ANKS1B: variants seen among roughly 807,000 people sequenced by gnomAD.
ANKS1B encodes the protein ankyrin repeat and sterile alpha motif domain-containing protein 1B.
In ANKS1B, 36 loss-of-function variants were observed where a neutral mutation model predicts 148.3. The observed-to-expected ratio is 0.24, with a 90% CI of 0.19 to 0.32. The LOEUF (loss-of-function observed/expected upper bound fraction) is 0.32. ANKS1B is among the 10% of genes least tolerant of loss of function. The probability of loss-of-function intolerance (pLI) is 1.00; values close to 1 mark genes in which losing one functional copy is unlikely to be tolerated. For synonymous variants in ANKS1B, 542 were observed against 560.8 expected, an observed-to-expected ratio of 0.97 and a Z score of 0.47; for missense variants, 1,157 against 1,542.6, an observed-to-expected ratio of 0.75 and a Z score of 4.19.
Position 98,888,761 on chromosome 12 carries a change from A to C in ANKS1B, c.2779-56625T>G, listed in dbSNP as rs2099745892. 2.6e-5 allele frequency among the ~76,000 whole-genome samples: 4 copies of C among 151,890 alleles called. No individual in the cohort carries two copies. The South Asian group carries it at 8.3e-4, about 32-fold the overall frequency. On this transcript the variant is annotated intron_variant, in intron 17 of 26. Coordinates refer to ENST00000683438, the MANE Select transcript of ANKS1B (RefSeq NM_001352186.2). The stretch of plus-strand genomic sequence containing the variant: ...TCTCAGGGATACCCCCAAATTTTCT[A>C]ATTTCTCCCTCCATCTCCCTCTCCA...
intron 24 of ANKS1B, among the ~76,000 whole-genome samples, chr12:98,779,746 C>T (rs1196287051): frequency 1.3e-5 from 2 of 152,168 alleles, no homozygotes; most frequent in South Asian, 2.1e-4. Context: ...ATTTTATATA[C>T]CAGGAACTAA....
At chr12:99,846,819 G>A (rs2086742018) in intron 1 of ANKS1B, among the ~76,000 whole-genome samples, 1 of 152,108 alleles carries the variant, frequency 6.6e-6, no homozygotes, top group Non-Finnish European at 1.5e-5. Flanking sequence ...GAAATCTTTT[G>A]AGAGATATGA....
intron 20 of ANKS1B, among the ~76,000 whole-genome samples, chr12:98,805,742 C>CCTACAG (rs2099046269): frequency 6.6e-6 from 1 of 152,170 alleles, no homozygotes; most frequent in African/African-American, 2.4e-5. Context: ...GCACTGGACA[C>CCTACAG]CTACAGCAAA....
chr12:99,331,279 T>C (rs114521570), intron 12 of ANKS1B, among the ~76,000 whole-genome samples: 78 of 152,012 alleles, frequency 5.1e-4, no homozygotes, highest in African/African-American at 1.7e-3. Flanking sequence ...AGTACTCTAA[T>C]ATGGGGCTAG....
At chr12:98,985,287 A>G (rs560789996) in intron 17 of ANKS1B, among the ~76,000 whole-genome samples, 1 of 151,092 alleles carries the variant, frequency 6.6e-6, no homozygotes, top group East Asian at 1.9e-4. Context: ...TAATTAAAAA[A>G]TTTTTTTTTG....
intron 9 of ANKS1B, among the ~76,000 whole-genome samples, chr12:99,532,556 T>TTCATCGTGTTAGCCAGGATGGTC (rs1381751468): frequency 5.9e-5 from 9 of 152,252 alleles, no homozygotes; most frequent in African/African-American, 2.2e-4. Flanking sequence ...CAGACGGGGT[T>TTCATCGTGTTAGCCAGGATGGTC]TCATCGTGTT....
chr12:99,235,759 T>C (rs540728497), intron 14 of ANKS1B, among the ~76,000 whole-genome samples: 1 of 152,306 alleles, frequency 6.6e-6, no homozygotes, highest in Non-Finnish European at 1.5e-5. Flanking sequence ...AGAAAAAAAG[T>C]ATTGCTTGAC....
chr12:99,707,276 T>A (rs2153530357), intron 8 of ANKS1B, among the ~76,000 whole-genome samples: 1 of 152,122 alleles, frequency 6.6e-6, no homozygotes, highest in East Asian at 1.9e-4. Flanking sequence ...ACACCTAAGG[T>A]TCAGCACGGC....
intron 12 of ANKS1B, among the ~76,000 whole-genome samples, chr12:99,287,907 T>A (rs2079355853): frequency 6.6e-6 from 1 of 152,080 alleles, no homozygotes; most frequent in Non-Finnish European, 1.5e-5. Flanking sequence ...AGAATGCCCA[T>A]AAGATGTAGA....
At chr12:99,176,632 G>C (rs543956329) in intron 14 of ANKS1B, among the ~76,000 whole-genome samples, 32 of 152,140 alleles carry the variant, frequency 2.1e-4, no homozygotes, top group Non-Finnish European at 3.8e-4. Flanking sequence ...GAGGTGTTTG[G>C]ATCATGGGGG....
At chr12:99,159,287 T>C (rs2076396288) in intron 14 of ANKS1B, among the ~76,000 whole-genome samples, 1 of 152,164 alleles carries the variant, frequency 6.6e-6, no homozygotes, top group African/African-American at 2.4e-5. Context: ...GCGTATATTG[T>C]GTGATGTTAA....
intron 17 of ANKS1B, among the ~76,000 whole-genome samples, chr12:98,905,784 G>T (rs1339437533): frequency 6.6e-6 from 1 of 151,484 alleles, no homozygotes; most frequent in Non-Finnish European, 1.5e-5. Flanking sequence ...AAAAAGAGAA[G>T]AAAAAGAAAA....
chr12:99,653,817 C>T (rs1186056864), intron 9 of ANKS1B, among the ~76,000 whole-genome samples: 1 of 151,828 alleles, frequency 6.6e-6, no homozygotes, highest in Non-Finnish European at 1.5e-5. Context: ...GTGTGTACTA[C>T]CACACCTGGC....
At chr12:99,650,445 T>G (rs2098411814) in intron 9 of ANKS1B, among the ~76,000 whole-genome samples, 1 of 120,424 alleles carries the variant, frequency 8.3e-6, no homozygotes, top group South Asian at 2.5e-4. Flanking sequence ...TAAATGGTAG[T>G]GTTGAGAAAC....
At chr12:99,849,466 G>A (rs1443418695) in intron 1 of ANKS1B, among the ~76,000 whole-genome samples, 1 of 151,966 alleles carries the variant, frequency 6.6e-6, no homozygotes, top group Non-Finnish European at 1.5e-5. Context: ...TGCAAACACT[G>A]GAAAGTTACT....
intron 20 of ANKS1B, among the ~76,000 whole-genome samples, chr12:98,804,550 G>A (rs17227683): frequency 0.048 from 7,244 of 151,996 alleles, 251 homozygotes; most frequent in Non-Finnish European, 0.08. Context: ...TTACACTGTC[G>A]TAAAGGACAG....
At chr12:99,653,391 G>T (rs561142362) in intron 9 of ANKS1B, among the ~76,000 whole-genome samples, 2 of 152,126 alleles carry the variant, frequency 1.3e-5, no homozygotes, top group South Asian at 4.1e-4. Flanking sequence ...TTTTATGAGG[G>T]GAAAATAGGT....
chr12:99,220,334 G>A (rs1259241862), intron 14 of ANKS1B, among the ~76,000 whole-genome samples: 1 of 151,580 alleles, frequency 6.6e-6, no homozygotes, highest in Non-Finnish European at 1.5e-5. Flanking sequence ...ATAACCATGT[G>A]ATGTTGACAC....
At chr12:98,881,005 TA>T (rs140371839) in intron 17 of ANKS1B, among the ~76,000 whole-genome samples, 7,896 of 151,834 alleles carry the variant, frequency 0.052, 330 homozygotes, top group African/African-American at 0.11. Flanking sequence ...AAGTTTTTTT[TA>T]AAAAAAATTT....
Sources: allele counts gnomAD v4.1 joint callset (sites outside exome capture counted in the v4.1 genomes callset), GRCh38; gene constraint gnomAD v4.1.1; transcripts MANE v1.5; gene names NCBI Gene and HGNC (gene_info 2026-07-23, HGNC 2026-07-21).